The following IPPK variants were observed in gnomAD, a reference collection of about 807,000 sequenced individuals.
IPPK encodes the protein inositol-pentakisphosphate 2-kinase.
In IPPK, 22 loss-of-function variants were observed where a neutral mutation model predicts 64.6. That is an observed-to-expected ratio of 0.34 (90% CI 0.24 to 0.49). The LOEUF (loss-of-function observed/expected upper bound fraction) is 0.49, where lower values mean the gene tolerates loss of function less well. Ranked by LOEUF, IPPK falls within the 20% of genes least tolerant of loss-of-function variation. The pLI is 0.99. For missense variants in IPPK, 532 were observed against 630.7 expected (o/e 0.84, Z 1.68); for synonymous variants, 262 against 247.2 (o/e 1.06, Z -0.56).
At chr9:92,666,574 G>A (rs1852601813) in intron 1 of IPPK, among the ~76,000 whole-genome samples, 1 of 152,160 alleles carries the variant, frequency 6.6e-6, no homozygotes, top group Admixed American at 6.5e-5. Context: ...GAACATGCCA[G>A]GCTGCCGAGA....
In IPPK at chr9:92,637,973, C is replaced by T. The variant is rs527683850; in HGVS notation, c.916+28G>A. On this transcript the variant is annotated intron_variant, in intron 9 of 12. Transcript: ENST00000287996. ...GTCCCAAGGCCCCTGCGGCCCCCAC[C>T]GCCTACCTGGGGAAGGCTGGGCCCT... 600 of 1,505,296 alleles carry T rather than the reference C, an allele frequency of 4.0e-4. 7 individuals carry two copies. In the South Asian group the frequency reaches 6.6e-3, roughly 17 times the overall value. The allele number at this position is 1,505,296 out of a possible 1,614,324, so 93.2% of individuals were successfully genotyped here.
intron 6 of IPPK, among the ~76,000 whole-genome samples, chr9:92,647,668 C>T (rs1027012077): frequency 6.6e-6 from 1 of 151,572 alleles, no homozygotes; most frequent in Non-Finnish European, 1.5e-5. Context: ...AAAATGTCAG[C>T]AACTAGATAG....
At chr9:92,660,648 A>G (rs1437834581) in intron 1 of IPPK, among the ~76,000 whole-genome samples, 6 of 152,200 alleles carry the variant, frequency 3.9e-5, no homozygotes. Context: ...CAGTGGGCCC[A>G]TGAACAGAAA....
At chr9:92,623,512 C>T (rs965295499) in intron 11 of IPPK, among the ~76,000 whole-genome samples, 5 of 150,594 alleles carry the variant, frequency 3.3e-5, no homozygotes, top group African/African-American at 1.2e-4. Context: ...ACAAAATTGA[C>T]AAAGGGCTTC....
chr9:92,639,811 C>G (rs1852011827), intron 8 of IPPK, among the ~76,000 whole-genome samples: 1 of 152,216 alleles, frequency 6.6e-6, no homozygotes, highest in Non-Finnish European at 1.5e-5. Flanking sequence ...TAGAGGCAGA[C>G]AGGGAATGAA....
At chr9:92,651,328 GA>G (rs1020707893) in intron 4 of IPPK, among the ~76,000 whole-genome samples, 1 of 151,926 alleles carries the variant, frequency 6.6e-6, no homozygotes, top group Non-Finnish European at 1.5e-5. Context: ...ATCACTGACT[GA>G]AAAAAAAGGT....
At chr9:92,621,723 C>T (rs777104723) in intron 11 of IPPK, among the ~76,000 whole-genome samples, 2 of 151,980 alleles carry the variant, frequency 1.3e-5, no homozygotes, top group African/African-American at 4.8e-5. Flanking sequence ...CGCTATGTTG[C>T]CCAGGCTGGT....
At chr9:92,651,027 G>C (rs966618271) in intron 4 of IPPK, among the ~76,000 whole-genome samples, 1 of 152,136 alleles carries the variant, frequency 6.6e-6, no homozygotes, top group African/African-American at 2.4e-5. Flanking sequence ...CTGAGCAGCA[G>C]AGCAGTTGCA....
intron 11 of IPPK, among the ~76,000 whole-genome samples, chr9:92,631,644 G>A (rs1851846981): frequency 6.6e-6 from 1 of 152,206 alleles, no homozygotes; most frequent in South Asian, 2.1e-4. Context: ...TTCTATGACA[G>A]CACGGAAAGA....
intron 4 of IPPK, among the ~76,000 whole-genome samples, 164 bp from the exon 5 acceptor site, chr9:92,649,738 G>A (rs767249248): frequency 3.3e-5 from 5 of 152,132 alleles, no homozygotes; most frequent in Non-Finnish European, 7.4e-5. Flanking sequence ...CAGTAACAAC[G>A]TGGTTTAGGC....
intron 1 of IPPK, among the ~76,000 whole-genome samples, chr9:92,662,678 T>C (rs1423090350): frequency 2.0e-5 from 3 of 152,004 alleles, no homozygotes; most frequent in Non-Finnish European, 1.5e-5. Context: ...GCTTCCACCT[T>C]GGAAAATTAG....
chr9:92,659,201 G>A (rs1852432323), intron 1 of IPPK, among the ~76,000 whole-genome samples: 1 of 152,156 alleles, frequency 6.6e-6, no homozygotes, highest in Non-Finnish European at 1.5e-5. Flanking sequence ...TCAAAAAACA[G>A]GTAACACTGA....
At chr9:92,649,713 A>T in intron 4 of IPPK, 139 bp from the exon 5 acceptor site, 1 of 1,014,872 alleles carries the variant, frequency 9.9e-7, no homozygotes, top group South Asian at 1.6e-5. Context: ...CTCCCTGGGG[A>T]TTGTGGGACA....
chr9:92,652,785 A>T, intron 3 of IPPK, 146 bp from the exon 4 acceptor site: 1 of 443,406 alleles, frequency 2.3e-6, no homozygotes. Context: ...ATTGCTTAAA[A>T]AAAAATCAGT....
At chr9:92,646,413 A>G (rs1852151005) in intron 6 of IPPK, among the ~76,000 whole-genome samples, 1 of 152,276 alleles carries the variant, frequency 6.6e-6, no homozygotes, top group Non-Finnish European at 1.5e-5. Flanking sequence ...GAAATCATGC[A>G]AACAATGTTC....
intron 1 of IPPK, among the ~76,000 whole-genome samples, chr9:92,668,509 A>G (rs1003796074): frequency 6.8e-6 from 1 of 148,050 alleles, no homozygotes. Flanking sequence ...TTGAAATTTA[A>G]TGTATCAGCC....
At chr9:92,655,760 C>A (rs1245236065) in intron 3 of IPPK, among the ~76,000 whole-genome samples, 1 of 152,216 alleles carries the variant, frequency 6.6e-6, no homozygotes, top group South Asian at 2.1e-4. Context: ...CTGCATGAAT[C>A]TTCCTAACAG....
intron 4 of IPPK, among the ~76,000 whole-genome samples, chr9:92,651,881 A>G (rs1852273634): frequency 6.6e-6 from 1 of 151,858 alleles, no homozygotes; most frequent in Non-Finnish European, 1.5e-5. Context: ...ACGCCCAGCT[A>G]ATTTTTGTAC....
Position 92,650,956 on chromosome 9 carries a change from CA to C in IPPK, c.293-1383del, listed in dbSNP as rs141577893. On this transcript the variant is annotated intron_variant, in intron 4 of 12. Transcript: ENST00000287996. ...TCCTTTAACATAATGAGCCTTACTC[CA>C]AGTCTGGTTTTTATCACTGTGGTGT... Among the ~76,000 whole-genome samples, 67 of 152,254 alleles carry C rather than the reference CA, an allele frequency of 4.4e-4. 1 individual carries two copies. In the East Asian group the frequency reaches 0.012, roughly 26 times the overall value.
Sources: allele counts gnomAD v4.1 joint callset (sites outside exome capture counted in the v4.1 genomes callset), GRCh38; gene constraint gnomAD v4.1.1; transcripts MANE v1.5; gene names NCBI Gene and HGNC (gene_info 2026-07-23, HGNC 2026-07-21).